The following NBPF12 variants were observed in gnomAD, a reference collection of about 807,000 sequenced individuals.
NBPF12 encodes the protein NBPF family member NBPF12.
A neutral mutation model predicts 146.4 loss-of-function variants in NBPF12; 115 were observed. The observed-to-expected ratio is 0.79, with a 90% CI of 0.68 to 0.92. The LOEUF (loss-of-function observed/expected upper bound fraction) is 0.92. NBPF12 is among the 40% of genes least tolerant of loss of function. The probability of loss-of-function intolerance (pLI) is 0.00; values close to 1 mark genes in which losing one functional copy is unlikely to be tolerated. For synonymous variants in NBPF12, 385 were observed against 508.9 expected, an observed-to-expected ratio of 0.76 and a Z score of 3.28; for missense variants, 1,205 against 1,326.8, an observed-to-expected ratio of 0.91 and a Z score of 1.43.
chr1:146,944,214 A>G (rs1236663396), intron 2 of NBPF12, among the ~76,000 whole-genome samples: 3 of 126,584 alleles, frequency 2.4e-5, no homozygotes, highest in Admixed American at 9.0e-5. Flanking sequence ...TCTTTCACTG[A>G]CCATTCATGG....
chr1:146,948,154 G>C (rs1187618763), upstream of NBPF12, among the ~76,000 whole-genome samples: 2 of 151,878 alleles, frequency 1.3e-5, no homozygotes, highest in East Asian at 3.9e-4. Flanking sequence ...GGGATTACAG[G>C]CGCCTGCTAC....
At chr1:146,963,413 A>G (rs1326291194) in intron 6 of NBPF12, 104 bp downstream of exon 9, 162 of 1,603,256 alleles carry the variant, frequency 1.0e-4, no homozygotes, top group Admixed American at 5.3e-4. Context: ...GTTTTTTTCT[A>G]CTACACATAT....
At chr1:146,949,138 C>T (rs1553883647), upstream of NBPF12, among the ~76,000 whole-genome samples, 2 of 122,958 alleles carry the variant, frequency 1.6e-5, no homozygotes, top group Admixed American at 1.7e-4. Flanking sequence ...CCAGTGCCGG[C>T]ATGGGTCCTC....
intron 2 of NBPF12, among the ~76,000 whole-genome samples, chr1:146,954,614 G>A (rs1655481446): frequency 2.0e-5 from 3 of 150,096 alleles, no homozygotes; most frequent in Non-Finnish European, 3.0e-5. Context: ...CGGCATTTTG[G>A]TAGAAATTTT....
exon 34 of NBPF12, chr1:146,994,870 T>A: frequency 2.0e-6 from 1 of 512,746 alleles, no homozygotes; most frequent in South Asian, 2.1e-5. Flanking sequence ...TCCTCAGGGA[T>A]TTCATTTTGC....
chr1:146,968,583 C>A (rs1656355274), intron 10 of NBPF12, 33 bp downstream of exon 13: 15 of 1,548,844 alleles, frequency 9.7e-6, no homozygotes, highest in Non-Finnish European at 1.3e-5. Context: ...GGCAGGGGGG[C>A]AGGTGTGTAA....
In NBPF12 at chr1:146,992,881, G is replaced by T. The variant is rs1658292185; in HGVS notation, c.4018G>T (p.Gly1340Ter). 1.6e-6 allele frequency: 1 copy of T among 612,812 alleles called. No homozygotes were observed. Among genetic ancestry groups the T allele is most frequent in the Admixed American group, 3.0e-5 (1 of 33,418 alleles). 38.0% of individuals were successfully genotyped at this position (612,812 alleles called of 1,614,324 possible). A position where few individuals can be genotyped will look rare whatever the true frequency, so the allele number is the denominator to read the frequency against. Residue 1340 changes from glycine (G) to a stop codon, truncating the protein, a stop_gained, in exon 32 of 34, where the codon GGA (glycine) becomes TGA (stop). Coordinates refer to ENST00000617844, the Ensembl canonical transcript of NBPF12. LOFTEE classifies it high-confidence loss of function. ...ACATGTTGGCTTTTCTCTTGACGTG[G>T]GAGGTGAGTACGTTTCTATGAAGGT...
chr1:146,948,718 G>A (rs1655183048), upstream of NBPF12, among the ~76,000 whole-genome samples: 1 of 151,802 alleles, frequency 6.6e-6, no homozygotes, highest in Non-Finnish European at 1.5e-5. Flanking sequence ...CTGTCCCCCA[G>A]CCCGACACCC....
At chr1:146,971,904 C>G (rs1444240976) in intron 13 of NBPF12, among the ~76,000 whole-genome samples, 1 of 120,910 alleles carries the variant, frequency 8.3e-6, no homozygotes, top group Admixed American at 8.9e-5. Context: ...ACGGTGAAAC[C>G]CCATCTTTAC....
At chr1:146,976,671 C>G (rs1333883672) in intron 16 of NBPF12, among the ~76,000 whole-genome samples, 4 of 151,702 alleles carry the variant, frequency 2.6e-5, no homozygotes, top group South Asian at 2.1e-4. Flanking sequence ...AGAGGCTGCA[C>G]AAGCCTCCAG....
intron 7 of NBPF12, 81 bp from the exon 11 acceptor site, chr1:146,964,812 G>C (rs1298728711): frequency 2.3e-5 from 36 of 1,596,818 alleles, no homozygotes; most frequent in Non-Finnish European, 3.1e-5. Context: ...AATGCCGCCT[G>C]TCAAAACCAG....
chr1:146,959,202 G>A (rs1209984558), intron 2 of NBPF12, among the ~76,000 whole-genome samples: 1 of 87,726 alleles, frequency 1.1e-5, no homozygotes, highest in Non-Finnish European at 2.3e-5. Context: ...TCGGCCGTGT[G>A]CGGTGGCTCA....
At chr1:146,944,966 T>G (rs1298369789), upstream of NBPF12, among the ~76,000 whole-genome samples, 1 of 25,138 alleles carries the variant, frequency 4.0e-5, no homozygotes, top group Non-Finnish European at 6.9e-5. Flanking sequence ...CTCCCTCCCT[T>G]CCTCCCTCCC....
At chr1:146,981,286 A>ATATAT (rs1216452163) in intron 19 of NBPF12, among the ~76,000 whole-genome samples, 4 of 104,548 alleles carry the variant, frequency 3.8e-5, no homozygotes, top group African/African-American at 1.6e-4. Context: ...TTAAAAAAAA[A>ATATAT]AAAAAAAAAT....
chr1:146,946,456 T>A (rs1655071866), upstream of NBPF12, among the ~76,000 whole-genome samples: 1 of 149,402 alleles, frequency 6.7e-6, no homozygotes, highest in Non-Finnish European at 1.5e-5. Context: ...AGCATCTTTC[T>A]CATATGCTTA....
intron 19 of NBPF12, among the ~76,000 whole-genome samples, chr1:146,980,622 A>C (rs1488099012): frequency 2.6e-5 from 4 of 152,022 alleles, no homozygotes; most frequent in South Asian, 4.2e-4. Context: ...TCTTTTCTTT[A>C]AGAATGTTGA....
intron 6 of NBPF12, 136 bp from the exon 10 acceptor site, chr1:146,964,221 G>A (rs1247654262): frequency 5.0e-6 from 7 of 1,396,104 alleles, no homozygotes; most frequent in South Asian, 2.5e-5. Context: ...AGAGCATTTT[G>A]TGAAGGATAA....
intron 19 of NBPF12, among the ~76,000 whole-genome samples, chr1:146,981,081 G>T (rs1209479030): frequency 7.3e-6 from 1 of 137,260 alleles, no homozygotes; most frequent in Non-Finnish European, 1.5e-5. Flanking sequence ...ATTGAACAAT[G>T]AGAACACAAG....
In NBPF12 at chr1:146,971,811, G is replaced by T. The variant is rs1281988533; in HGVS notation, c.1591+417G>T. Among the ~76,000 whole-genome samples, 34 of 150,624 alleles carry T rather than the reference G, an allele frequency of 2.3e-4. 1 individual carries two copies. The highest frequency in any genetic ancestry group is 8.4e-4 in the African/African-American group (34 of 40,366). On this transcript the variant is annotated intron_variant, in intron 13 of 33. Transcript: ENST00000617844. The stretch of plus-strand genomic sequence containing the variant: ...ATAAGAAGTCTTGGCCAGGCGCGGT[G>T]GCTCACACATGTAATCCCAGCACTT...
Sources: gnomAD v4.1 joint callset for allele counts (sites outside exome capture counted in the v4.1 genomes callset) on GRCh38, gnomAD v4.1.1 for gene constraint, MANE v1.5 for transcripts, NCBI Gene and HGNC (gene_info 2026-07-23, HGNC 2026-07-21) for gene names.